SIDT1: variants seen among roughly 807,000 people sequenced by gnomAD.
The protein encoded by SIDT1 is SID1 transmembrane family, member 1.
SIDT1 carries 101 observed loss-of-function variants against 107.5 expected under a neutral mutation model. The ratio of observed to expected loss-of-function variants is 0.94; its 90% CI spans 0.80 to 1.11. The LOEUF is 1.11. SIDT1 is among the 50% of genes least tolerant of loss of function. The pLI is 0.00. For missense variants in SIDT1, 1,076 were observed against 1,058.2 expected (o/e 1.02, Z -0.23); for synonymous variants, 395 against 398.2 (o/e 0.99, Z 0.10).
At chr3:113,621,157 A>G (rs936043206) in intron 21 of SIDT1, among the ~76,000 whole-genome samples, 1 of 152,256 alleles carries the variant, frequency 6.6e-6, no homozygotes, top group East Asian at 1.9e-4. Context: ...ATACATATGC[A>G]TATAGAGAGA....
intron 1 of SIDT1, among the ~76,000 whole-genome samples, chr3:113,549,260 G>A (rs1939944972): frequency 6.6e-6 from 1 of 152,134 alleles, no homozygotes. Flanking sequence ...ACTCATTTGG[G>A]TAAATACCTA....
chr3:113,613,637 C>T (rs1945905680), intron 19 of SIDT1, among the ~76,000 whole-genome samples: 1 of 152,190 alleles, frequency 6.6e-6, no homozygotes. Flanking sequence ...GGTCATGATC[C>T]TCCACCAGAC....
chr3:113,622,485 A>T (rs950455677), intron 21 of SIDT1, among the ~76,000 whole-genome samples: 1 of 149,888 alleles, frequency 6.7e-6, no homozygotes, highest in Non-Finnish European at 1.5e-5. Flanking sequence ...AAAAAAAAAA[A>T]AAAACTATTT....
At chr3:113,561,665 C>T (rs539002418) in intron 1 of SIDT1, among the ~76,000 whole-genome samples, 1 of 152,308 alleles carries the variant, frequency 6.6e-6, no homozygotes, top group South Asian at 2.1e-4. Flanking sequence ...TAGTCCCCAT[C>T]CATGTACATC....
At chr3:113,626,384 C>T (rs1946851695) in intron 24 of SIDT1, among the ~76,000 whole-genome samples, 169 bp downstream of exon 24, 1 of 151,822 alleles carries the variant, frequency 6.6e-6, no homozygotes, top group African/African-American at 2.4e-5. Context: ...AATTTTATAT[C>T]CTTTGGTTAG....
In SIDT1 at chr3:113,615,017, G is replaced by A. The variant is rs754640788; in HGVS notation, c.1967-1083G>A. ...TACATGTTTGGCTACTTTCTTACAC[G>A]TCTCTCTTTTTTTTCTCCTTTCTTC... is the stretch of plus-strand genomic sequence containing the variant. On this transcript the variant is annotated intron_variant, in intron 19 of 24. Coordinates refer to ENST00000264852, the MANE Select transcript of SIDT1 (RefSeq NM_017699.3). 36 of 1,534,260 alleles carry A rather than the reference G, an allele frequency of 2.3e-5. 1 individual carries two copies. Among genetic ancestry groups the A allele is most frequent in the African/African-American group, 5.5e-5 (4 of 72,984 alleles).
At chr3:113,630,513 G>A (rs1188784001), downstream of SIDT1, among the ~76,000 whole-genome samples, 1 of 152,150 alleles carries the variant, frequency 6.6e-6, no homozygotes, top group African/African-American at 2.4e-5. Context: ...GCACCCACCA[G>A]AAGGTTCTGT....
chr3:113,548,624 A>T (rs1273655016), intron 1 of SIDT1, among the ~76,000 whole-genome samples: 1 of 152,084 alleles, frequency 6.6e-6, no homozygotes, highest in Admixed American at 6.5e-5. Context: ...ACTGTAATTC[A>T]TTTGAAAGAT....
At chr3:113,634,470 A>C (rs1947111431), downstream of SIDT1, among the ~76,000 whole-genome samples, 2 of 152,124 alleles carry the variant, frequency 1.3e-5, no homozygotes, top group Non-Finnish European at 2.9e-5. Flanking sequence ...CAGCCTGGCC[A>C]ACATGACAAA....
At chr3:113,559,892 C>T (rs1031208258) in intron 1 of SIDT1, among the ~76,000 whole-genome samples, 2 of 152,054 alleles carry the variant, frequency 1.3e-5, no homozygotes, top group African/African-American at 4.8e-5. Context: ...TTGTCTCTTC[C>T]CCTCCTGTAT....
In SIDT1 at chr3:113,628,723, A is replaced by C. The variant is rs1947006437; in HGVS notation, c.*1015A>C. On this transcript the variant is annotated 3_prime_UTR_variant, in exon 25 of 25. Transcript: ENST00000264852. ...AATCAGCATTCTAATCAGGGACACT[A>C]CTTCAGGAGTCCTCCACAGCGAGTC... The C allele has an allele frequency of 6.6e-6, 1 of 152,240 alleles. No homozygotes were observed. The highest frequency in any genetic ancestry group is 2.1e-4 in the South Asian group (1 of 4,828). The allele number at this position is 152,240 out of a possible 1,614,324, so 9.4% of individuals were successfully genotyped here.
intron 1 of SIDT1, among the ~76,000 whole-genome samples, chr3:113,552,927 C>T (rs1940433829): frequency 6.6e-6 from 1 of 152,090 alleles, no homozygotes; most frequent in African/African-American, 2.4e-5. Context: ...TGCTGAGTAA[C>T]CCCAAAACCA....
intron 7 of SIDT1, 46 bp from the exon 8 acceptor site, chr3:113,584,652 A>G (rs200654746): frequency 5.1e-5 from 69 of 1,356,060 alleles, no homozygotes; most frequent in Non-Finnish European, 5.1e-5. Flanking sequence ...AAAAATCATT[A>G]TCTGATTCAA....
chr3:113,602,831 A>C (rs1945053013), intron 11 of SIDT1, 174 bp from the exon 12 acceptor site: 3 of 549,496 alleles, frequency 5.5e-6, no homozygotes, highest in Non-Finnish European at 6.0e-6. Context: ...AAGAGGAAAA[A>C]TAAAAGTCCA....
At chr3:113,588,078 G>GTA (rs1236376412) in intron 9 of SIDT1, among the ~76,000 whole-genome samples, 1 of 152,180 alleles carries the variant, frequency 6.6e-6, no homozygotes, top group Non-Finnish European at 1.5e-5. Flanking sequence ...TAGTTAGCTA[G>GTA]TATAGTTAAC....
chr3:113,599,793 AAT>A (rs1258291239), intron 10 of SIDT1, among the ~76,000 whole-genome samples: 1 of 152,216 alleles, frequency 6.6e-6, no homozygotes, highest in African/African-American at 2.4e-5. Context: ...AGGTAGGATG[AAT>A]AAGTCTAGTA....
chr3:113,619,677 C>T lies in SIDT1; in HGVS notation c.2044-3C>T, dbSNP rs774369438. ...ATTTGATGTTTTCTTTCCTCTTTTC[C>T]AGGATAGAATGGTGTTGCTGGTTGT... On this transcript the variant is annotated splice_region_variant and splice_polypyrimidine_tract_variant and intron_variant, in intron 20 of 24. Coordinates refer to ENST00000264852, the MANE Select transcript of SIDT1 (RefSeq NM_017699.3). 1 of 1,613,636 alleles carries T rather than the reference C, an allele frequency of 6.2e-7. No homozygotes were observed. Among genetic ancestry groups the T allele is most frequent in the South Asian group, 1.1e-5 (1 of 91,052 alleles).
intron 9 of SIDT1, among the ~76,000 whole-genome samples, chr3:113,585,889 C>T (rs919850753): frequency 1.3e-5 from 2 of 152,140 alleles, no homozygotes; most frequent in African/African-American, 4.8e-5. Flanking sequence ...GCTTTCCTTC[C>T]CTCTCTCAGC....
downstream of SIDT1, among the ~76,000 whole-genome samples, chr3:113,633,253 G>A (rs1947104794): frequency 6.6e-6 from 1 of 152,014 alleles, no homozygotes. Flanking sequence ...CTTGGGCTCT[G>A]GTATCAGAGA....
Sources: allele counts gnomAD v4.1 joint callset (sites outside exome capture counted in the v4.1 genomes callset), GRCh38; gene constraint gnomAD v4.1.1; transcripts MANE v1.5; gene names NCBI Gene and HGNC (gene_info 2026-07-23, HGNC 2026-07-21).